The following PDE4D variants were observed in gnomAD, a reference collection of about 807,000 sequenced individuals.
PDE4D encodes the protein 3',5'-cyclic-AMP phosphodiesterase 4D.
A neutral mutation model predicts 87.4 loss-of-function variants in PDE4D; 24 were observed. The ratio of observed to expected loss-of-function variants is 0.27; its 90% CI spans 0.20 to 0.39. PDE4D has a LOEUF of 0.39. Ranked by LOEUF, PDE4D falls within the 10% of genes least tolerant of loss-of-function variation. PDE4D has a pLI of 1.00. For missense variants in PDE4D, 714 were observed against 1,041.0 expected, an observed-to-expected ratio of 0.69 and a Z score of 4.32; for synonymous variants, 384 against 383.2, an observed-to-expected ratio of 1.00 and a Z score of -0.02.
chr5:59,854,487 A>C (rs1261571991), intron 1 of PDE4D, among the ~76,000 whole-genome samples: 1 of 152,008 alleles, frequency 6.6e-6, no homozygotes. Context: ...ATGTACTCAA[A>C]TATGTCAGTA....
intron 1 of PDE4D, among the ~76,000 whole-genome samples, chr5:59,234,981 G>C (rs983142951): frequency 1.3e-5 from 2 of 152,010 alleles, no homozygotes; most frequent in African/African-American, 4.8e-5. Context: ...AAATATGACT[G>C]TTTCACCACT....
intron 1 of PDE4D, among the ~76,000 whole-genome samples, chr5:59,666,928 C>A (rs563761266): frequency 6.6e-6 from 1 of 152,258 alleles, no homozygotes; most frequent in African/African-American, 2.4e-5. Flanking sequence ...CTGCAGCACC[C>A]TCTTTCTGAT....
intron 1 of PDE4D, among the ~76,000 whole-genome samples, chr5:59,578,499 C>G (rs767887541): frequency 1.3e-5 from 2 of 152,190 alleles, no homozygotes; most frequent in Non-Finnish European, 2.9e-5. Context: ...TAAATAATTT[C>G]TCAAGTAGAG....
At chr5:59,187,942 TGTC>T (rs1743309036) in intron 3 of PDE4D, among the ~76,000 whole-genome samples, 1 of 152,146 alleles carries the variant, frequency 6.6e-6, no homozygotes, top group South Asian at 2.1e-4. Flanking sequence ...TGACTCTTGG[TGTC>T]GTCATCACTG....
intron 1 of PDE4D, among the ~76,000 whole-genome samples, chr5:60,391,009 C>T (rs1203221354): frequency 6.6e-6 from 1 of 152,128 alleles, no homozygotes; most frequent in Non-Finnish European, 1.5e-5. Context: ...ACACACACTG[C>T]TTCCTATCAC....
rs371133134 is a variant in PDE4D, at chr5:59,859,498, C to G, written c.455+33670G>C. 3.3e-5 allele frequency among the ~76,000 whole-genome samples: 5 copies of G among 152,184 alleles called. No individual in the cohort carries two copies. The East Asian group carries it at 9.6e-4, about 29-fold the overall frequency. On this transcript the variant is annotated intron_variant, in intron 1 of 14. Coordinates refer to ENST00000340635, the MANE Select transcript of PDE4D (RefSeq NM_001104631.2). ...TTCACATGATAATAAGGTTAGTAAC[C>G]CTCCCCTAAACTCATAGCAACATGT...
At chr5:59,393,723 A>G (rs981027163) in intron 1 of PDE4D, among the ~76,000 whole-genome samples, 1 of 152,240 alleles carries the variant, frequency 6.6e-6, no homozygotes, top group South Asian at 2.1e-4. Context: ...AATAATTTTT[A>G]AAGGACTTGT....
At chr5:59,571,699 A>T (rs1331863107) in intron 1 of PDE4D, among the ~76,000 whole-genome samples, 1 of 152,222 alleles carries the variant, frequency 6.6e-6, no homozygotes, top group Non-Finnish European at 1.5e-5. Context: ...TAGCCAGGGA[A>T]AAGAAATAAT....
intron 3 of PDE4D, among the ~76,000 whole-genome samples, chr5:59,941,242 C>G (rs1397527145): frequency 6.6e-6 from 1 of 152,134 alleles, no homozygotes; most frequent in African/African-American, 2.4e-5. Flanking sequence ...GAGTGATGTT[C>G]GTGTGATTGT....
At chr5:60,172,432 G>T (rs1001134788) in intron 2 of PDE4D, among the ~76,000 whole-genome samples, 8 of 151,934 alleles carry the variant, frequency 5.3e-5, no homozygotes, top group African/African-American at 1.7e-4. Context: ...AGGGACAGGT[G>T]CTTCACCAAC....
At chr5:60,324,352 A>G (rs1756583292) in intron 1 of PDE4D, among the ~76,000 whole-genome samples, 1 of 152,226 alleles carries the variant, frequency 6.6e-6, no homozygotes, top group Non-Finnish European at 1.5e-5. Context: ...TCTCTGTTAC[A>G]GGAATCATGT....
intron 5 of PDE4D, among the ~76,000 whole-genome samples, chr5:59,166,083 G>T (rs1781882586): frequency 6.6e-6 from 1 of 152,070 alleles, no homozygotes; most frequent in Non-Finnish European, 1.5e-5. Flanking sequence ...CTTCCACTAA[G>T]AATTTTGCAT....
At chr5:59,165,570 C>T (rs1781809355) in intron 5 of PDE4D, among the ~76,000 whole-genome samples, 1 of 152,214 alleles carries the variant, frequency 6.6e-6, no homozygotes, top group African/African-American at 2.4e-5. Context: ...GCAACCATGC[C>T]CAGCCTTTCA....
chr5:60,475,841 A>AAAAAAAAAG (rs765377862), intron 1 of PDE4D, among the ~76,000 whole-genome samples: 20 of 151,534 alleles, frequency 1.3e-4, no homozygotes, highest in Non-Finnish European at 2.5e-4. Context: ...AAAAAAAAAA[A>AAAAAAAAAG]AGACAATTAC....
chr5:60,292,056 T>A (rs1330524438), intron 1 of PDE4D, among the ~76,000 whole-genome samples: 2 of 152,166 alleles, frequency 1.3e-5, no homozygotes, highest in Non-Finnish European at 2.9e-5. Flanking sequence ...AGATATAACG[T>A]CAGACTCTGT....
At chr5:59,966,803 T>C (rs971757300) in intron 3 of PDE4D, among the ~76,000 whole-genome samples, 1 of 152,218 alleles carries the variant, frequency 6.6e-6, no homozygotes, top group African/African-American at 2.4e-5. Context: ...ACAATACATA[T>C]TATTTTGAAT....
At chr5:59,351,666 G>A (rs1009982061) in intron 1 of PDE4D, among the ~76,000 whole-genome samples, 2 of 151,944 alleles carry the variant, frequency 1.3e-5, no homozygotes, top group Non-Finnish European at 2.9e-5. Context: ...ATAAAATAAC[G>A]GATTCATTTT....
intron 1 of PDE4D, among the ~76,000 whole-genome samples, chr5:60,241,513 A>T (rs886573645): frequency 6.6e-6 from 1 of 152,044 alleles, no homozygotes; most frequent in African/African-American, 2.4e-5. Context: ...AACTCAGGTG[A>T]TCTGTCCGCC....
chr5:59,690,650 T>C (rs1291218073), intron 1 of PDE4D, among the ~76,000 whole-genome samples: 2 of 152,118 alleles, frequency 1.3e-5, no homozygotes, highest in Non-Finnish European at 2.9e-5. Flanking sequence ...ATTCAGGACA[T>C]AGGCACAGGC....
Sources: allele counts gnomAD v4.1 joint callset (sites outside exome capture counted in the v4.1 genomes callset), GRCh38; gene constraint gnomAD v4.1.1; transcripts MANE v1.5; gene names NCBI Gene and HGNC (gene_info 2026-07-23, HGNC 2026-07-21).